HEMK2: variants seen among roughly 807,000 people sequenced by gnomAD.
HEMK2 encodes the protein methyltransferase HEMK2.
the HEMK2 span, among the ~76,000 whole-genome samples, chr21:28,661,742 T>G: frequency 6.6e-6 from 1 of 152,160 alleles, no homozygotes; most frequent in Non-Finnish European, 1.5e-5. Context: ...ACGTTCTGTA[T>G]CTCCACTGTC....
At chr21:28,684,495 C>T in the HEMK2 span, among the ~76,000 whole-genome samples, 3 of 152,136 alleles carry the variant, frequency 2.0e-5, no homozygotes, top group African/African-American at 7.2e-5. Context: ...AATTGAAATC[C>T]ATTTCCTTCT....
At chr21:28,729,726 C>T in the HEMK2 span, among the ~76,000 whole-genome samples, 7 of 151,880 alleles carry the variant, frequency 4.6e-5, no homozygotes, top group Non-Finnish European at 1.0e-4. Context: ...TCCTGGGCCG[C>T]GTGTGGCCCA....
At chr21:28,780,014 A>G in the HEMK2 span, among the ~76,000 whole-genome samples, 5 of 152,174 alleles carry the variant, frequency 3.3e-5, no homozygotes, top group Admixed American at 3.3e-4. Context: ...AAACAAAAAA[A>G]ACCCCACAAA....
the HEMK2 span, among the ~76,000 whole-genome samples, chr21:28,765,126 G>T: frequency 2.0e-5 from 3 of 152,050 alleles, no homozygotes; most frequent in Non-Finnish European, 4.4e-5. Context: ...GGAGCAAGTG[G>T]GTATGTTGAG....
At chr21:28,629,926 CT>C in the HEMK2 span, among the ~76,000 whole-genome samples, 76,691 of 146,640 alleles carry the variant, frequency 0.52, 20,997 homozygotes, top group African/African-American at 0.72. Context: ...TGCTCAGTTT[CT>C]TTTTTTTTTT....
At chr21:28,770,900 A>G in the HEMK2 span, among the ~76,000 whole-genome samples, 2 of 152,138 alleles carry the variant, frequency 1.3e-5, no homozygotes, top group Admixed American at 1.3e-4. Flanking sequence ...TCTCCTGAGT[A>G]GCATCATGCT....
chr21:28,724,450 A>G, the HEMK2 span, among the ~76,000 whole-genome samples: 1 of 152,252 alleles, frequency 6.6e-6, no homozygotes, highest in African/African-American at 2.4e-5. Flanking sequence ...CATTTGCATG[A>G]GCTGTAATGA....
At chr21:28,817,072 G>A in the HEMK2 span, among the ~76,000 whole-genome samples, 1 of 152,180 alleles carries the variant, frequency 6.6e-6, no homozygotes, top group African/African-American at 2.4e-5. Flanking sequence ...CTTCCAGTTG[G>A]GCAGGGGGTG....
chr21:28,642,368 G>A, the HEMK2 span, among the ~76,000 whole-genome samples: 3,964 of 152,250 alleles, frequency 0.026, 173 homozygotes, highest in African/African-American at 0.089. Flanking sequence ...GGGAGGGAGC[G>A]TGCAAGCAAG....
the HEMK2 span, among the ~76,000 whole-genome samples, chr21:28,863,407 C>CTT: frequency 0.011 from 714 of 66,440 alleles, 121 homozygotes; most frequent in African/African-American, 0.041. Context: ...AATAAACTCC[C>CTT]TTTTATATAT....
chr21:28,872,308 G>A, the HEMK2 span: 7 of 152,220 alleles, frequency 4.6e-5, no homozygotes, highest in African/African-American at 9.6e-5. Flanking sequence ...GAGCTGAAGA[G>A]GCACGGCTTC....
At chr21:28,666,221 A>G in the HEMK2 span, among the ~76,000 whole-genome samples, 7 of 152,158 alleles carry the variant, frequency 4.6e-5, no homozygotes, top group Admixed American at 4.6e-4. Flanking sequence ...AGGAAGGAAG[A>G]TTTCTTCTTA....
the HEMK2 span, chr21:28,879,799 A>G: frequency 8.6e-7 from 1 of 1,168,340 alleles, no homozygotes; most frequent in African/African-American, 1.6e-5. Flanking sequence ...ATGTCATAGG[A>G]TGACATTCAT....
chr21:28,829,260 C>T, the HEMK2 span, among the ~76,000 whole-genome samples: 2 of 152,256 alleles, frequency 1.3e-5, no homozygotes, highest in Non-Finnish European at 1.5e-5. Flanking sequence ...GTGAGTTGCC[C>T]CTTGGTATCT....
At chr21:28,627,734 C>A in the HEMK2 span, among the ~76,000 whole-genome samples, 6 of 152,224 alleles carry the variant, frequency 3.9e-5, no homozygotes, top group East Asian at 1.2e-3. Flanking sequence ...AAGGAAAACC[C>A]CAAGTTACCA....
chr21:28,703,886 C>T, the HEMK2 span, among the ~76,000 whole-genome samples: 2 of 152,158 alleles, frequency 1.3e-5, no homozygotes, highest in African/African-American at 4.8e-5. Flanking sequence ...ATTTTCCATC[C>T]TTCTCTTGGC....
chr21:28,758,059 T>C, the HEMK2 span, among the ~76,000 whole-genome samples: 1 of 152,184 alleles, frequency 6.6e-6, no homozygotes, highest in Non-Finnish European at 1.5e-5. Flanking sequence ...AGAGGATGTA[T>C]AACGGATGAT....
chr21:28,812,210 TC>T, the HEMK2 span, among the ~76,000 whole-genome samples: 1 of 152,228 alleles, frequency 6.6e-6, no homozygotes, highest in Admixed American at 6.5e-5. Flanking sequence ...ATAATGGCAT[TC>T]CCAGAGTTAT....
the HEMK2 span, among the ~76,000 whole-genome samples, chr21:28,670,086 T>A: frequency 6.6e-6 from 1 of 152,042 alleles, no homozygotes; most frequent in Non-Finnish European, 1.5e-5. Flanking sequence ...TATAACAGCA[T>A]CATTTTTTTT....
Sources: gnomAD v4.1 joint callset for allele counts (sites outside exome capture counted in the v4.1 genomes callset) on GRCh38, gnomAD v4.1.1 for gene constraint, MANE v1.5 for transcripts, NCBI Gene and HGNC (gene_info 2026-07-23, HGNC 2026-07-21) for gene names.